PITPNM1: variants seen among roughly 807,000 people sequenced by gnomAD.
PITPNM1 encodes phosphatidylinositol transfer protein membrane associated 1, also known as membrane-associated phosphatidylinositol transfer protein 1.
A neutral mutation model predicts 133.3 loss-of-function variants in PITPNM1; 74 were observed. The observed-to-expected ratio is 0.56, with a 90% CI of 0.46 to 0.67. The LOEUF (loss-of-function observed/expected upper bound fraction) is 0.67, where lower values mean the gene tolerates loss of function less well. PITPNM1 is among the 30% of genes least tolerant of loss of function. The probability of loss-of-function intolerance (pLI) is 0.00; values close to 1 mark genes in which losing one functional copy is unlikely to be tolerated. For missense variants in PITPNM1, 1,398 were observed against 1,739.5 expected, an observed-to-expected ratio of 0.80 and a Z score of 3.49; for synonymous variants, 738 against 741.4, an observed-to-expected ratio of 1.00 and a Z score of 0.08.
In PITPNM1 at chr11:67,497,503, G is replaced by T; in HGVS notation, c.1940+19C>A. ...TCCATCATGTGCCCAGGGTAGGGGTGATGGGGCAGGGACGTCACCTGTTCT... is the reference window on the plus strand; with the variant it reads ...TCCATCATGTGCCCAGGGTAGGGGTTATGGGGCAGGGACGTCACCTGTTCT... On this transcript the variant is annotated intron_variant, in intron 13 of 23. Transcript: ENST00000356404. 6.2e-7 allele frequency: 1 copy of T among 1,603,392 alleles called. No homozygotes were observed. The highest frequency in any genetic ancestry group is 8.5e-7 in the Non-Finnish European group (1 of 1,175,474).
rs780757064 is a variant in PITPNM1 at position 67,497,638 on chromosome 11, G to A, written c.1824C>T (p.Asp608=). The A allele has an allele frequency of 1.2e-6, 2 of 1,609,752 alleles. No individual in the cohort carries two copies. Among genetic ancestry groups the A allele is most frequent in the African/African-American group, 1.3e-5 (1 of 74,674 alleles). The change falls in exon 13 of 24, where the codon GAC becomes GAT. Residue 608 remains aspartate (D), a synonymous_variant. Transcript: ENST00000356404. ...GGCCTTCCACACCATCTGCCAGGGG[G>A]TCCCGCACTGGGCCAAACTCCGGAG... The part of the protein sequence containing the change: ...LLSPEFGPVR[D]PLADGVEGLG...
In PITPNM1 at chr11:67,497,411, A is replaced by T. The variant is rs773881302; in HGVS notation, c.1966T>A (p.Ser656Thr). The stretch of plus-strand genomic sequence containing the variant: ...CTTGCCCGCCGGGGCTCCCAGGAGG[A>T]GGTGGTTGCGGGGGCTGCCTGAAGG... ...NSLQAAPATT[S>T]SWEPRRASTA... The change falls in exon 14 of 24, where the codon TCC becomes ACC. Residue 656 changes from serine (S) to threonine (T), a missense_variant. Ser to Thr is a moderately conservative substitution (Grantham distance 58, BLOSUM62 1). Transcript: ENST00000356404. The T allele has an allele frequency of 1.9e-6, 3 of 1,586,566 alleles. No individual in the cohort carries two copies. The highest frequency in any genetic ancestry group is 3.5e-5 in the Admixed American group (2 of 57,476).
Position 67,498,425 on chromosome 11 carries a change from G to A in PITPNM1, c.1485-103C>T. 1 of 1,389,146 alleles carries A rather than the reference G, an allele frequency of 7.2e-7. No homozygotes were observed. The highest frequency in any genetic ancestry group is 9.6e-7 in the Non-Finnish European group (1 of 1,039,652). 86.1% of individuals were successfully genotyped at this position (1,389,146 alleles called of 1,614,324 possible). ...CAGGCCCTGGCTCTGTGGGTCCTCT[G>A]TGGGGAGCGTTAGCCCCAAGAGGCA... On this transcript the variant is annotated intron_variant, in intron 10 of 23. Coordinates refer to ENST00000356404, the MANE Select transcript of PITPNM1 (RefSeq NM_004910.3). This position sits in a 1 kb window ranked among gnomAD's most constrained non-coding sequence, Gnocchi z 5.7.
chr11:67,495,034 C>A, intron 17 of PITPNM1, 43 bp downstream of exon 17: 1 of 1,610,192 alleles, frequency 6.2e-7, no homozygotes, highest in Non-Finnish European at 8.5e-7. Context: ...AGCAGCCCAT[C>A]CCCGTCCCAT....
At chr11:67,495,863 A>G (rs1263837449) in intron 15 of PITPNM1, among the ~76,000 whole-genome samples, 1 of 152,216 alleles carries the variant, frequency 6.6e-6, no homozygotes, top group Admixed American at 6.5e-5. Context: ...ATGCCCCGCA[A>G]TAAATGTCTG....
Position 67,492,983 on chromosome 11 carries a change from T to TGGCTCG in PITPNM1, c.3416_3421dup (p.Pro1139_Ser1140dup), listed in dbSNP as rs1398786260. ...CACGGCACGGCCCACGATGTAGGTC[T>TGGCTCG]GGCTCGGGGACAGCCCCAGCGCCGC... On this transcript the variant is annotated inframe_insertion, in exon 23 of 24. Transcript: ENST00000356404. 5.0e-6 allele frequency: 8 copies of TGGCTCG among 1,612,868 alleles called. No homozygotes were observed. The highest frequency in any genetic ancestry group is 5.9e-6 in the Non-Finnish European group (7 of 1,179,950).
chr11:67,504,156 G>T lies in PITPNM1; in HGVS notation c.25C>A (p.Leu9Met), dbSNP rs1189682472. Residue 9 changes from leucine to methionine, a missense_variant, in exon 2 of 24, where the codon CTG becomes ATG. This residue lies in a region of PITPNM1 where 274 missense variants were observed against 360.7 expected (regional missense o/e 0.76). Transcript: ENST00000356404. The surrounding 1 kb of genome is among the most constrained non-coding windows in gnomAD (Gnocchi z 5.4). Reference sequence around the variant, plus strand: ...TACTCGTCCAGGCTCATGGGCAGCAGAATGTGGTATTCCTTGATGAGCATC... The same window carrying T: ...TACTCGTCCAGGCTCATGGGCAGCATAATGTGGTATTCCTTGATGAGCATC... The part of the protein sequence containing the change: MLIKEYHI[L>M]LPMSLDEYQV... The T allele has an allele frequency of 6.2e-7, 1 of 1,608,906 alleles. No individual in the cohort carries two copies. The highest frequency in any genetic ancestry group is 1.1e-5 in the South Asian group (1 of 90,286).
chr11:67,493,536 C>T lies in PITPNM1; in HGVS notation c.3216G>A (p.Gln1072=), dbSNP rs1260418659. 1.8e-5 allele frequency: 28 copies of T among 1,581,238 alleles called. No individual in the cohort carries two copies. The highest frequency in any genetic ancestry group is 2.3e-5 in the Non-Finnish European group (27 of 1,163,868). Residue 1072 remains glutamine, a synonymous_variant, in exon 22 of 24, where the codon CAG becomes CAA. Coordinates refer to ENST00000356404, the MANE Select transcript of PITPNM1 (RefSeq NM_004910.3). ...IVYVTGRPDM[Q]KHRVVAWLSQ... is the part of the protein sequence containing the mutation. ...ACAGCCATGCCACCACGCGGTGCTTCTGCATATCCGGCCGGCCTGTGACAT... is the reference window on the plus strand; with the variant it reads ...ACAGCCATGCCACCACGCGGTGCTTTTGCATATCCGGCCGGCCTGTGACAT...
intron 12 of PITPNM1, 87 bp downstream of exon 12, chr11:67,497,830 G>A: frequency 6.8e-7 from 1 of 1,469,186 alleles, no homozygotes; most frequent in Non-Finnish European, 9.4e-7. Flanking sequence ...CTGCCTGCTG[G>A]CAGAGGGGTG....
In PITPNM1 at chr11:67,493,962, C is replaced by A; in HGVS notation, c.2968G>T (p.Ala990Ser). The stretch of plus-strand genomic sequence containing the variant: ...ACGGGGTAGACACCAATGCCCAGCG[C>A]GCGTTCTGGGGGAACTGGGAAGGTG... ...RLTFPVPPER[A>S]LGIGVYPVRM... Residue 990 changes from alanine to serine, a missense_variant, in exon 20 of 24, where the codon GCG becomes TCG. Coordinates refer to ENST00000356404, the MANE Select transcript of PITPNM1 (RefSeq NM_004910.3). 1 of 1,609,276 alleles carries A rather than the reference C, an allele frequency of 6.2e-7. No homozygotes were observed. The highest frequency in any genetic ancestry group is 8.5e-7 in the Non-Finnish European group (1 of 1,178,096).
At position 67,493,951 on chromosome 11, in the gene PITPNM1, A is replaced by G. The variant is rs1414254892; in HGVS notation, c.2979T>C (p.Ile993=). 6.2e-7 allele frequency: 1 copy of G among 1,603,560 alleles called. No homozygotes were observed. Among genetic ancestry groups the G allele is most frequent in the Admixed American group, 1.7e-5 (1 of 59,316 alleles). ...FPVPPERALG[I]GVYPVRMVVR... ...CCACCATGCGCACGGGGTAGACACC[A>G]ATGCCCAGCGCGCGTTCTGGGGGAA... Residue 993 remains isoleucine (I), a synonymous_variant, in exon 20 of 24, where the codon ATT becomes ATC. Coordinates refer to ENST00000356404, the MANE Select transcript of PITPNM1 (RefSeq NM_004910.3).
At chr11:67,499,167 C>T (rs1269168229) in intron 8 of PITPNM1, among the ~76,000 whole-genome samples, 166 bp from the exon 9 acceptor site, 1 of 152,142 alleles carries the variant, frequency 6.6e-6, no homozygotes, top group African/African-American at 2.4e-5. Context: ...TATTTCCAGG[C>T]CTTTGCTCCT....
intron 22 of PITPNM1, 109 bp downstream of exon 22, chr11:67,493,301 G>T: frequency 7.8e-7 from 1 of 1,275,590 alleles, no homozygotes; most frequent in Non-Finnish European, 1.1e-6. Flanking sequence ...GTCAGGCAGG[G>T]CCCGGGCCGA....
At chr11:67,500,774 G>A (rs1179053287) in intron 5 of PITPNM1, among the ~76,000 whole-genome samples, 1 of 152,236 alleles carries the variant, frequency 6.6e-6, no homozygotes, top group Non-Finnish European at 1.5e-5. Flanking sequence ...AACAGTTAAT[G>A]AAATTGTTGA....
Position 67,493,976 on chromosome 11 carries a change from A to T in PITPNM1, c.2954T>A (p.Val985Asp). 2 of 1,611,722 alleles carry T rather than the reference A, an allele frequency of 1.2e-6. No homozygotes were observed. The highest frequency in any genetic ancestry group is 1.7e-6 in the Non-Finnish European group (2 of 1,179,452). The change falls in exon 20 of 24, where the codon GTT (valine) becomes GAT (aspartate). Residue 985 changes from valine to aspartate, a missense_variant. Around this residue, in one of 5 missense-constraint regions of PITPNM1, gnomAD observed 233 missense variants for 378.0 expected, o/e 0.62. Coordinates refer to ENST00000356404, the MANE Select transcript of PITPNM1 (RefSeq NM_004910.3). ...TNSSGRLTFP[V>D]PPERALGIGV... ...AATGCCCAGCGCGCGTTCTGGGGGA[A>T]CTGGGAAGGTGAGGCGGCCCGAGCT... is the stretch of plus-strand genomic sequence containing the variant.
intron 15 of PITPNM1, 151 bp from the exon 16 acceptor site, chr11:67,495,753 A>G: frequency 1.3e-6 from 1 of 761,952 alleles, no homozygotes; most frequent in Non-Finnish European, 2.0e-6. Flanking sequence ...CTCTCAGCCC[A>G]GTGGCCAGCT....
Position 67,495,234 on chromosome 11 carries a change from C to T in PITPNM1, c.2483-9G>A. The stretch of plus-strand genomic sequence containing the variant: ...CCACCAGCGCTCCAGGACTGCGCGG[C>T]CATGGCAGCGAGTCAGGATGGCCTC... On this transcript the variant is annotated splice_polypyrimidine_tract_variant and intron_variant, in intron 16 of 23. Coordinates refer to ENST00000356404, the MANE Select transcript of PITPNM1 (RefSeq NM_004910.3). The T allele has an allele frequency of 6.3e-7, 1 of 1,575,010 alleles. No individual in the cohort carries two copies.
chr11:67,504,150 G>A lies in PITPNM1; in HGVS notation c.31C>T (p.Pro11Ser). The change falls in exon 2 of 24, where the codon CCC becomes TCC. Residue 11 changes from proline to serine, a missense_variant. By Grantham distance (74) the Pro-to-Ser change is moderately conservative. This residue lies in a region of PITPNM1 where 274 missense variants were observed against 360.7 expected (regional missense o/e 0.76). Transcript: ENST00000356404. This position sits in a 1 kb window ranked among gnomAD's most constrained non-coding sequence, Gnocchi z 5.4. The stretch of plus-strand genomic sequence containing the variant: ...ACCTGGTACTCGTCCAGGCTCATGG[G>A]CAGCAGAATGTGGTATTCCTTGATG... MLIKEYHILL[P>S]MSLDEYQVAQ... The A allele has an allele frequency of 1.2e-6, 2 of 1,609,680 alleles. No homozygotes were observed. The highest frequency in any genetic ancestry group is 2.2e-5 in the East Asian group (1 of 44,662).
chr11:67,492,128 T>C lies in PITPNM1; in HGVS notation c.3640A>G (p.Ser1214Gly), dbSNP rs1865943341. 1 of 1,612,038 alleles carries C rather than the reference T, an allele frequency of 6.2e-7. No individual in the cohort carries two copies. Among genetic ancestry groups the C allele is most frequent in the Non-Finnish European group, 8.5e-7 (1 of 1,179,830 alleles). The change falls in exon 24 of 24, where the codon AGC becomes GGC. Residue 1214 changes from serine (S) to glycine (G), a missense_variant. Physicochemically the swap from Ser to Gly is moderately conservative, Grantham distance 56. Coordinates refer to ENST00000356404, the MANE Select transcript of PITPNM1 (RefSeq NM_004910.3). ...CCCGGGCCCTCACGCTCCGCCTGGCTGGGGCCCCTCGAGCGAAGCAGCTGG... is the reference window on the plus strand; with the variant it reads ...CCCGGGCCCTCACGCTCCGCCTGGCCGGGGCCCCTCGAGCGAAGCAGCTGG... ...QSQLLRSRGPSQAEREGPGTP... is the reference protein window; with the variant it reads ...QSQLLRSRGPGQAEREGPGTP...
Sources: gnomAD v4.1 joint callset for allele counts (sites outside exome capture counted in the v4.1 genomes callset) on GRCh38, gnomAD v4.1.1 for gene constraint, gnomAD v4.1.1 regional missense constraint, Gnocchi (gnomAD v3.1) non-coding constraint, MANE v1.5 for transcripts, NCBI Gene and HGNC (gene_info 2026-07-23, HGNC 2026-07-21) for gene names.